The following CCSER1 variants were observed in gnomAD, a reference collection of about 807,000 sequenced individuals.
CCSER1 encodes coiled-coil serine rich protein 1, also known as serine-rich coiled-coil domain-containing protein 1.
CCSER1 carries 41 observed loss-of-function variants against 82.0 expected under a neutral mutation model. The ratio of observed to expected loss-of-function variants is 0.50; its 90% CI spans 0.39 to 0.65. CCSER1 has a LOEUF of 0.65. Ranked by LOEUF, CCSER1 falls within the 30% of genes least tolerant of loss-of-function variation. The pLI is 0.00. For synonymous variants in CCSER1, 414 were observed against 383.9 expected, an observed-to-expected ratio of 1.08 and a Z score of -0.92; for missense variants, 1,119 against 1,064.2, an observed-to-expected ratio of 1.05 and a Z score of -0.72.
At chr4:91,135,472 G>A (rs1728376354) in intron 10 of CCSER1, among the ~76,000 whole-genome samples, 1 of 152,190 alleles carries the variant, frequency 6.6e-6, no homozygotes, top group Admixed American at 6.5e-5. Flanking sequence ...GTGATAAATG[G>A]TATTCTAGAT....
At chr4:91,182,484 G>A (rs1038352131) in intron 10 of CCSER1, among the ~76,000 whole-genome samples, 5 of 152,080 alleles carry the variant, frequency 3.3e-5, no homozygotes, top group East Asian at 1.9e-4. Context: ...TTGCATCTGC[G>A]GTCTTCCATA....
chr4:90,705,899 A>G (rs980167340), intron 6 of CCSER1, among the ~76,000 whole-genome samples: 2 of 152,196 alleles, frequency 1.3e-5, no homozygotes, highest in African/African-American at 4.8e-5. Flanking sequence ...AGGAAAGGGA[A>G]TTCCCTGACC....
intron 1 of CCSER1, among the ~76,000 whole-genome samples, chr4:90,297,578 C>T (rs1332489196): frequency 6.7e-6 from 1 of 148,224 alleles, no homozygotes; most frequent in Non-Finnish European, 1.5e-5. Context: ...TGCCAGTTTT[C>T]AAAGGGAATG....
intron 10 of CCSER1, among the ~76,000 whole-genome samples, chr4:91,309,848 C>T (rs1451521474): frequency 2.0e-5 from 3 of 151,942 alleles, no homozygotes; most frequent in Non-Finnish European, 4.4e-5. Flanking sequence ...GTTTCCCAGG[C>T]CTGCCATAAC....
chr4:90,259,921 G>A (rs922858901), intron 1 of CCSER1, among the ~76,000 whole-genome samples: 1 of 152,044 alleles, frequency 6.6e-6, no homozygotes, highest in African/African-American at 2.4e-5. Flanking sequence ...TTGGTCTGTA[G>A]TTTTCTCTTT....
intron 1 of CCSER1, among the ~76,000 whole-genome samples, chr4:90,143,234 A>T (rs184805002): frequency 1.2e-4 from 18 of 152,176 alleles, no homozygotes; most frequent in Admixed American, 3.9e-4. Context: ...ATGGTCTCCC[A>T]TTCCTGCCGT....
chr4:90,271,856 ATATATAT>A (rs1410400804), intron 1 of CCSER1, among the ~76,000 whole-genome samples: 5 of 26,086 alleles, frequency 1.9e-4, no homozygotes, highest in African/African-American at 6.2e-4. Flanking sequence ...ATATATATAT[ATATATAT>A]TTTTTTTTTT....
intron 3 of CCSER1, among the ~76,000 whole-genome samples, chr4:90,362,917 G>A (rs780276018): frequency 6.6e-5 from 10 of 152,122 alleles, no homozygotes; most frequent in Non-Finnish European, 1.2e-4. Context: ...TCAATCTGTA[G>A]ACTTACAGAT....
At chr4:90,357,201 T>C (rs1488859534) in intron 3 of CCSER1, among the ~76,000 whole-genome samples, 5 of 151,882 alleles carry the variant, frequency 3.3e-5, no homozygotes, top group Admixed American at 2.6e-4. Context: ...TCTGAGATGG[T>C]TTTAAAAAAC....
At chr4:91,070,249 G>T (rs1721291844) in intron 9 of CCSER1, among the ~76,000 whole-genome samples, 1 of 152,150 alleles carries the variant, frequency 6.6e-6, no homozygotes, top group Non-Finnish European at 1.5e-5. Flanking sequence ...CTCCCAAAGT[G>T]CTGGGATTAC....
At chr4:91,291,495 C>T (rs2149219408) in intron 10 of CCSER1, among the ~76,000 whole-genome samples, 1 of 152,072 alleles carries the variant, frequency 6.6e-6, no homozygotes, top group Middle Eastern at 3.4e-3. Flanking sequence ...ATCTGCTGGG[C>T]TTCTGGGGAT....
At chr4:90,451,403 G>C (rs1761439780) in intron 4 of CCSER1, among the ~76,000 whole-genome samples, 1 of 152,148 alleles carries the variant, frequency 6.6e-6, no homozygotes, top group East Asian at 1.9e-4. Flanking sequence ...TGGGTTCCAG[G>C]GGGACACGCC....
intron 10 of CCSER1, among the ~76,000 whole-genome samples, chr4:91,430,819 C>T (rs911138538): frequency 6.6e-6 from 1 of 152,224 alleles, no homozygotes; most frequent in African/African-American, 2.4e-5. Context: ...TGTACATCTA[C>T]ATACCACGAC....
intron 1 of CCSER1, among the ~76,000 whole-genome samples, chr4:90,212,326 T>G (rs542281978): frequency 6.6e-6 from 1 of 152,314 alleles, no homozygotes; most frequent in South Asian, 2.1e-4. Flanking sequence ...AACTAATGCA[T>G]TTGAGTATCT....
intron 10 of CCSER1, among the ~76,000 whole-genome samples, chr4:91,193,040 C>T (rs1023460142): frequency 6.6e-5 from 10 of 152,120 alleles, no homozygotes; most frequent in African/African-American, 1.9e-4. Context: ...GCAAAACTCC[C>T]ATTTTCTTTC....
chr4:90,814,888 T>C (rs1211166513), intron 7 of CCSER1, among the ~76,000 whole-genome samples: 4 of 152,194 alleles, frequency 2.6e-5, no homozygotes, highest in Admixed American at 6.5e-5. Flanking sequence ...TCTTCCTGTC[T>C]TCTGAGCCCT....
intron 5 of CCSER1, among the ~76,000 whole-genome samples, chr4:90,483,314 GA>G (rs1766403257): frequency 6.6e-6 from 1 of 152,148 alleles, no homozygotes; most frequent in African/African-American, 2.4e-5. Flanking sequence ...AATGGGTCTT[GA>G]CTCTTTATCC....
intron 10 of CCSER1, among the ~76,000 whole-genome samples, chr4:91,145,671 G>A (rs745492241): frequency 2.6e-5 from 4 of 152,066 alleles, no homozygotes; most frequent in Non-Finnish European, 4.4e-5. Flanking sequence ...CTTATTGCTT[G>A]CATGCCTGAC....
chr4:90,947,092 TCTA>T (rs763630530), intron 9 of CCSER1, among the ~76,000 whole-genome samples: 3 of 152,134 alleles, frequency 2.0e-5, no homozygotes, highest in Non-Finnish European at 2.9e-5. Context: ...ATATAATACT[TCTA>T]CTCATATTTC....
Sources: allele counts gnomAD v4.1 joint callset (sites outside exome capture counted in the v4.1 genomes callset), GRCh38; gene constraint gnomAD v4.1.1; transcripts MANE v1.5; gene names NCBI Gene and HGNC (gene_info 2026-07-23, HGNC 2026-07-21).